The following TTC3 variants were observed in gnomAD, a reference collection of about 807,000 sequenced individuals.
TTC3 encodes the protein E3 ubiquitin-protein ligase TTC3.
In TTC3, 180 loss-of-function variants were observed where a neutral mutation model predicts 249.6. That is an observed-to-expected ratio of 0.72 (90% CI 0.64 to 0.82). The LOEUF (loss-of-function observed/expected upper bound fraction) is 0.82, where lower values mean the gene tolerates loss of function less well. Among genes scored for constraint, TTC3 ranks in the 40% least tolerant of loss-of-function variants. The probability of loss-of-function intolerance (pLI) is 0.00; values close to 1 mark genes in which losing one functional copy is unlikely to be tolerated. For missense variants in TTC3, 2,061 were observed against 2,398.4 expected (o/e 0.86, Z 2.94); for synonymous variants, 717 against 805.0 (o/e 0.89, Z 1.85).
At chr21:37,087,358 G>C (rs908752273) in exon 2 of TTC3, 1 of 1,613,994 alleles carries the variant, frequency 6.2e-7, no homozygotes, top group Non-Finnish European at 8.5e-7. Flanking sequence ...GAATTTATGA[G>C]CAATGATTAT....
chr21:37,188,682 C>A, intron 39 of TTC3, 87 bp downstream of exon 39: 3 of 937,192 alleles, frequency 3.2e-6, no homozygotes, highest in Non-Finnish European at 4.8e-6. Context: ...TGTATTAGGA[C>A]CATTTTATTT....
exon 43 of TTC3, chr21:37,197,604 A>G (rs751639961): frequency 3.5e-5 from 57 of 1,612,050 alleles, no homozygotes; most frequent in Non-Finnish European, 4.7e-5. Context: ...AAAAGTGCGA[A>G]GCAAAAACAA....
At chr21:37,145,321 T>C (rs181240441) in intron 21 of TTC3, among the ~76,000 whole-genome samples, 1 of 152,272 alleles carries the variant, frequency 6.6e-6, no homozygotes, top group East Asian at 1.9e-4. Context: ...TAAGAAGTAG[T>C]CAAAGGATCT....
intron 35 of TTC3, among the ~76,000 whole-genome samples, chr21:37,177,421 A>T (rs1354173537): frequency 6.6e-6 from 1 of 152,148 alleles, no homozygotes; most frequent in Non-Finnish European, 1.5e-5. Context: ...GAATGGCTAG[A>T]GTGTGAAGGA....
intron 22 of TTC3, among the ~76,000 whole-genome samples, chr21:37,148,243 T>C (rs930737432): frequency 6.6e-6 from 1 of 152,218 alleles, no homozygotes; most frequent in African/African-American, 2.4e-5. Flanking sequence ...CTAAAGGTCA[T>C]TGTGATCATT....
At chr21:37,094,085 A>G (rs1601353934) in exon 8 of TTC3, 3 of 1,570,520 alleles carry the variant, frequency 1.9e-6, no homozygotes, top group African/African-American at 1.4e-5. Context: ...TATGGATTGT[A>G]TAGAGGTGAG....
intron 36 of TTC3, among the ~76,000 whole-genome samples, chr21:37,184,393 T>G (rs1404798275): frequency 6.6e-6 from 1 of 152,072 alleles, no homozygotes; most frequent in Non-Finnish European, 1.5e-5. Flanking sequence ...TCCATTTTAT[T>G]ATTAGATTTC....
exon 32 of TTC3, chr21:37,164,085 G>A (rs762675955): frequency 6.2e-7 from 1 of 1,611,954 alleles, no homozygotes; most frequent in South Asian, 1.1e-5. Flanking sequence ...CCCATTTGCA[G>A]TGCCTGACCA....
At chr21:37,115,192 A>AATG (rs1416738639) in intron 11 of TTC3, among the ~76,000 whole-genome samples, 1 of 149,660 alleles carries the variant, frequency 6.7e-6, no homozygotes, top group Non-Finnish European at 1.5e-5. Flanking sequence ...TAATAATAAT[A>AATG]ATAATAATAA....
At chr21:37,138,149 C>T (rs1052059718) in intron 18 of TTC3, among the ~76,000 whole-genome samples, 3 of 152,126 alleles carry the variant, frequency 2.0e-5, no homozygotes, top group East Asian at 1.9e-4. Context: ...GGACGTAATG[C>T]TACTACACAC....
chr21:37,161,305 T>TCCTTCTCTCACC (rs1472318906), intron 30 of TTC3, among the ~76,000 whole-genome samples: 1 of 152,192 alleles, frequency 6.6e-6, no homozygotes, highest in East Asian at 1.9e-4. Flanking sequence ...AGACAGGGTC[T>TCCTTCTCTCACC]CCTTCTCTCA....
intron 10 of TTC3, among the ~76,000 whole-genome samples, chr21:37,102,772 G>A (rs1333505458): frequency 1.3e-5 from 2 of 152,170 alleles, no homozygotes; most frequent in Non-Finnish European, 2.9e-5. Context: ...TGAGGCGGAT[G>A]GATCACTTGA....
chr21:37,152,690 G>A (rs2079599296), intron 26 of TTC3, among the ~76,000 whole-genome samples: 1 of 152,078 alleles, frequency 6.6e-6, no homozygotes, highest in Non-Finnish European at 1.5e-5. Context: ...GAGGAACTAA[G>A]TTTCAAATGC....
chr21:37,108,888 A>G (rs1213222314), intron 11 of TTC3, among the ~76,000 whole-genome samples: 1 of 152,230 alleles, frequency 6.6e-6, no homozygotes, highest in Non-Finnish European at 1.5e-5. Context: ...AAAAGGCACC[A>G]TAGATGAAAT....
At chr21:37,160,664 A>G (rs1045342223) in intron 29 of TTC3, 138 bp from the exon 30 acceptor site, 3 of 811,090 alleles carry the variant, frequency 3.7e-6, no homozygotes, top group African/African-American at 1.8e-5. Context: ...GGGCTGATAC[A>G]CTGTAGTGTT....
At chr21:37,088,810 C>T (rs1445954815) in exon 5 of TTC3, 1 of 1,612,422 alleles carries the variant, frequency 6.2e-7, no homozygotes, top group Admixed American at 1.7e-5. Flanking sequence ...AATTCACGTG[C>T]TTCTGAGATA....
Position 37,096,511 on chromosome 21 carries a change from G to A in TTC3, c.783-70G>A. 1.4e-5 allele frequency: 18 copies of A among 1,277,424 alleles called. 1 individual carries two copies. The South Asian group carries it at 2.1e-4, about 15-fold the overall frequency. 79.1% of individuals were successfully genotyped at this position (1,277,424 alleles called of 1,614,324 possible). A position where few individuals can be genotyped will look rare whatever the true frequency, so the allele number is the denominator to read the frequency against. Reference sequence around the variant, plus strand: ...TAAAAAAAGTTTTCTCATGCCTTATGTTTTCTACGTGATTTTTATTTGTTT... The same window carrying A: ...TAAAAAAAGTTTTCTCATGCCTTATATTTTCTACGTGATTTTTATTTGTTT... On this transcript the variant is annotated intron_variant, in intron 9 of 45. Transcript: ENST00000355666.
In TTC3 at chr21:37,191,533, A is replaced by AT. The variant is rs2084100360; in HGVS notation, c.5115+109_5115+110insT. The stretch of plus-strand genomic sequence containing the variant: ...TTCTTTTTTATCTATTATTATCAAT[A>AT]ATTTTTTTTGTTGAAAGTATTATGA... On this transcript the variant is annotated intron_variant, in intron 40 of 45. Coordinates refer to ENST00000355666, the Ensembl canonical transcript of TTC3. 8 of 637,160 alleles carry AT rather than the reference A, an allele frequency of 1.3e-5. No homozygotes were observed. The Admixed American group carries it at 1.3e-4, about 10-fold the overall frequency. The allele number at this position is 637,160 out of a possible 1,614,324, so 39.5% of individuals were successfully genotyped here. A position where few individuals can be genotyped will look rare whatever the true frequency, so the allele number is the denominator to read the frequency against.
At chr21:37,094,136 A>T in intron 8 of TTC3, 46 bp downstream of exon 8, 1 of 1,109,828 alleles carries the variant, frequency 9.0e-7, no homozygotes, top group Non-Finnish European at 1.3e-6. Context: ...GCCCATTAGA[A>T]CTTTTTAACA....
Sources: gnomAD v4.1 joint callset for allele counts (sites outside exome capture counted in the v4.1 genomes callset) on GRCh38, gnomAD v4.1.1 for gene constraint, MANE v1.5 for transcripts, NCBI Gene and HGNC (gene_info 2026-07-23, HGNC 2026-07-21) for gene names.